The following PCDHGA10 variants were observed in gnomAD, a reference collection of about 807,000 sequenced individuals.
PCDHGA10 encodes the protein protocadherin gamma-A10.
In PCDHGA10, 42 loss-of-function variants were observed where a neutral mutation model predicts 59.5. That is an observed-to-expected ratio of 0.71 (90% CI 0.55 to 0.91). PCDHGA10 has a LOEUF of 0.91. PCDHGA10 is among the 40% of genes least tolerant of loss of function. The pLI is 0.00. For missense variants in PCDHGA10, 1,111 were observed against 1,198.2 expected (o/e 0.93, Z 1.07); for synonymous variants, 511 against 517.2 (o/e 0.99, Z 0.16).
rs13436436 is a variant in PCDHGA10 at position 141,494,301 on chromosome 5, G to C, written c.2437-506G>C. Among the ~76,000 whole-genome samples, 1,119 of 152,302 alleles carry C rather than the reference G, an allele frequency of 7.3e-3. 11 individuals carry two copies. The highest frequency in any genetic ancestry group is 0.026 in the African/African-American group (1,077 of 41,560). Reference sequence around the variant, plus strand: ...CCAGAGAAGATGTCCCTGTGAATGTGTCACTGCACAACCTGGCACCAAAAG... The same window carrying C: ...CCAGAGAAGATGTCCCTGTGAATGTCTCACTGCACAACCTGGCACCAAAAG... On this transcript the variant is annotated intron_variant, in intron 1 of 3. Coordinates refer to ENST00000398610, the MANE Select transcript of PCDHGA10 (RefSeq NM_018913.3).
At chr5:141,450,836 T>A (rs991599340) in intron 1 of PCDHGA10, among the ~76,000 whole-genome samples, 2 of 149,760 alleles carry the variant, frequency 1.3e-5, no homozygotes, top group African/African-American at 4.9e-5. Flanking sequence ...ATTATTTTTT[T>A]TTTTTTGAGA....
chr5:141,478,011 G>A (rs1216659966), intron 1 of PCDHGA10: 1 of 1,614,088 alleles, frequency 6.2e-7, no homozygotes, highest in East Asian at 2.2e-5. Flanking sequence ...AGTACTGCCC[G>A]TCCAGTCCAA....
In PCDHGA10 at chr5:141,485,066, G is replaced by A. The variant is rs907517904; in HGVS notation, c.2437-9741G>A. On this transcript the variant is annotated intron_variant, in intron 1 of 3. Coordinates refer to ENST00000398610, the MANE Select transcript of PCDHGA10 (RefSeq NM_018913.3). This position sits in a 1 kb window ranked among gnomAD's most constrained non-coding sequence, Gnocchi z 5.7. Reference sequence around the variant, plus strand: ...GCGGCGCCGGCCGAACCGCGCCAGAGCTGGCGCGGGGAAAGGGAGATAGGT... The same window carrying A: ...GCGGCGCCGGCCGAACCGCGCCAGAACTGGCGCGGGGAAAGGGAGATAGGT... 1 of 885,622 alleles carries A rather than the reference G, an allele frequency of 1.1e-6. No individual in the cohort carries two copies. Among genetic ancestry groups the A allele is most frequent in the Non-Finnish European group, 1.8e-6 (1 of 559,820 alleles). 54.9% of individuals were successfully genotyped at this position (885,622 alleles called of 1,614,324 possible).
At chr5:141,443,547 T>C (rs1210940890) in intron 1 of PCDHGA10, among the ~76,000 whole-genome samples, 2 of 152,192 alleles carry the variant, frequency 1.3e-5, no homozygotes, top group Non-Finnish European at 2.9e-5. Context: ...TGGGAAATTG[T>C]TCCAATTCAA....
Position 141,432,521 on chromosome 5 carries a change from G to C in PCDHGA10, c.2436+16910G>C. ...CCGCTCCGCAGAGCCCGGCTACCTG[G>C]TGACCAAGGTGGTGGCGGTGGACAG... On this transcript the variant is annotated intron_variant, in intron 1 of 3. Transcript: ENST00000398610. The surrounding 1 kb of genome is among the most constrained non-coding windows in gnomAD (Gnocchi z 6.0). 1.2e-6 allele frequency: 2 copies of C among 1,614,112 alleles called. No individual in the cohort carries two copies. The highest frequency in any genetic ancestry group is 1.7e-6 in the Non-Finnish European group (2 of 1,180,028).
rs778744503 is a variant in PCDHGA10, at chr5:141,511,152, G to C, written c.2790G>C (p.Ser930=). 2 of 1,614,140 alleles carry C rather than the reference G, an allele frequency of 1.2e-6. No individual in the cohort carries two copies. Among genetic ancestry groups the C allele is most frequent in the South Asian group, 2.2e-5 (2 of 91,086 alleles). The change falls in exon 4 of 4, where the codon TCG becomes TCC. Residue 930 remains serine, a synonymous_variant. Coordinates refer to ENST00000398610, the MANE Select transcript of PCDHGA10 (RefSeq NM_018913.3). ...PAGGNGNKKK[S]GKKEKK ...GTGGCAATGGCAACAAGAAGAAGTC[G>C]GGCAAGAAGGAGAAGAAGTAACATG...
chr5:141,479,521 T>A (rs4912607), intron 1 of PCDHGA10: 2 of 152,104 alleles, frequency 1.3e-5, no homozygotes, highest in Non-Finnish European at 2.9e-5. Context: ...CTGGCCCAGG[T>A]TGGAAGTGGA....
rs1476081470 is a variant in PCDHGA10, at chr5:141,432,757, C to G, written c.2436+17146C>G. 2.5e-6 allele frequency: 4 copies of G among 1,614,150 alleles called. No homozygotes were observed. The highest frequency in any genetic ancestry group is 1.3e-5 in the African/African-American group (1 of 75,076). ...TCACGCTCACCGTGGCCGTGGCCGA[C>G]AGCATCCCCCAAGTCCTGGCGGACC... On this transcript the variant is annotated intron_variant, in intron 1 of 3. Coordinates refer to ENST00000398610, the MANE Select transcript of PCDHGA10 (RefSeq NM_018913.3). This position sits in a 1 kb window ranked among gnomAD's most constrained non-coding sequence, Gnocchi z 6.0.
chr5:141,432,138 A>C lies in PCDHGA10; in HGVS notation c.2436+16527A>C, dbSNP rs2097456794. On this transcript the variant is annotated intron_variant, in intron 1 of 3. Coordinates refer to ENST00000398610, the MANE Select transcript of PCDHGA10 (RefSeq NM_018913.3). The surrounding 1 kb of genome is among the most constrained non-coding windows in gnomAD (Gnocchi z 6.0). ...TTCCCTCAGGCCTCCTATTCCGCTT[A>C]TATCCCAGAGAACAATCCCAGAGGA... 1 of 1,613,954 alleles carries C rather than the reference A, an allele frequency of 6.2e-7. No individual in the cohort carries two copies. Among genetic ancestry groups the C allele is most frequent in the African/African-American group, 1.3e-5 (1 of 74,882 alleles).
In PCDHGA10 at chr5:141,486,269, G is replaced by T; in HGVS notation, c.2437-8538G>T. 6.2e-7 allele frequency: 1 copy of T among 1,613,996 alleles called. No homozygotes were observed. The highest frequency in any genetic ancestry group is 8.5e-7 in the Non-Finnish European group (1 of 1,179,956). On this transcript the variant is annotated intron_variant, in intron 1 of 3. Transcript: ENST00000398610. The surrounding 1 kb of genome is among the most constrained non-coding windows in gnomAD (Gnocchi z 5.0). ...AACCCTCCCCGAGAGTGCAGAACCT[G>T]GCACTGTGGTGGCACTTATCAGTGT...
chr5:141,427,975 C>T lies in PCDHGA10; in HGVS notation c.2436+12364C>T, dbSNP rs757718263. ...AATGTGCCGCGGGTGCTGTACCCCGCGCTGGGGCCCGATGGCTCCGCACTC... is the reference window on the plus strand; with the variant it reads ...AATGTGCCGCGGGTGCTGTACCCCGTGCTGGGGCCCGATGGCTCCGCACTC... On this transcript the variant is annotated intron_variant, in intron 1 of 3. Transcript: ENST00000398610. The T allele has an allele frequency of 1.9e-6, 3 of 1,594,600 alleles. No individual in the cohort carries two copies. In the South Asian group the frequency reaches 3.3e-5, roughly 18 times the overall value.
chr5:141,505,681 G>A (rs113733387), intron 3 of PCDHGA10, among the ~76,000 whole-genome samples, 200 bp downstream of exon 3: 92 of 152,324 alleles, frequency 6.0e-4, no homozygotes, highest in African/African-American at 2.1e-3. Flanking sequence ...GGGGTCCTGG[G>A]ATGCCTGGAG....
intron 1 of PCDHGA10, chr5:141,418,103 G>A: frequency 1.2e-6 from 2 of 1,614,076 alleles, no homozygotes; most frequent in African/African-American, 1.3e-5. Flanking sequence ...CGCGCAGAGC[G>A]GGGACTTACT....
chr5:141,502,491 T>G lies in PCDHGA10; in HGVS notation c.2496-2902T>G, dbSNP rs557202239. Among the ~76,000 whole-genome samples, 1,415 of 152,344 alleles carry G rather than the reference T, an allele frequency of 9.3e-3. 29 individuals carry two copies. The highest frequency in any genetic ancestry group is 0.033 in the African/African-American group (1,352 of 41,578). ...TCCCGCAGCATCACACTGGGACTCA[T>G]CTAACGTCGGCCTGTCCCACTATCA... is the stretch of plus-strand genomic sequence containing the variant. On this transcript the variant is annotated intron_variant, in intron 2 of 3. Transcript: ENST00000398610.
intron 1 of PCDHGA10, among the ~76,000 whole-genome samples, chr5:141,444,466 C>A (rs539222916): frequency 1.3e-5 from 2 of 151,982 alleles, no homozygotes; most frequent in African/African-American, 4.8e-5. Flanking sequence ...TCACTGCGCC[C>A]GGTCGCGTAC....
chr5:141,501,328 CACA>C (rs2099808027), intron 2 of PCDHGA10, among the ~76,000 whole-genome samples: 1 of 151,710 alleles, frequency 6.6e-6, no homozygotes, highest in Non-Finnish European at 1.5e-5. Context: ...CACACACACA[CACA>C]CACCCCAAAC....
Position 141,491,547 on chromosome 5 carries a change from G to A in PCDHGA10, c.2437-3260G>A. On this transcript the variant is annotated intron_variant, in intron 1 of 3. Transcript: ENST00000398610. This position sits in a 1 kb window ranked among gnomAD's most constrained non-coding sequence, Gnocchi z 6.9. ...AGGTGACGCTGCGGCCCACAGACTC[G>A]CAGAGCCACTGCTACAGGACGTGCT... is the stretch of plus-strand genomic sequence containing the variant. The A allele has an allele frequency of 4.3e-6, 7 of 1,613,974 alleles. No individual in the cohort carries two copies. The highest frequency in any genetic ancestry group is 5.9e-6 in the Non-Finnish European group (7 of 1,180,022).
At chr5:141,471,217 T>G (rs2099252724) in intron 1 of PCDHGA10, 1 of 151,568 alleles carries the variant, frequency 6.6e-6, no homozygotes, top group South Asian at 2.1e-4. Context: ...GCCTGGCAAT[T>G]TTTTTGTATT....
rs1203945578 is a variant in PCDHGA10 at position 141,512,055 on chromosome 5, T to G, written c.*882T>G. 6.5e-6 allele frequency: 1 copy of G among 152,698 alleles called. No homozygotes were observed. The highest frequency in any genetic ancestry group is 1.5e-5 in the Non-Finnish European group (1 of 68,092). 9.5% of individuals were successfully genotyped at this position (152,698 alleles called of 1,614,324 possible). The stretch of plus-strand genomic sequence containing the variant: ...GAGGCTCTGTATGTCCTCAGGGGAC[T>G]GACAACATCCTCCAGATTCCAGCCA... On this transcript the variant is annotated 3_prime_UTR_variant, in exon 4 of 4. Transcript: ENST00000398610.
Sources: gnomAD v4.1 joint callset for allele counts (sites outside exome capture counted in the v4.1 genomes callset) on GRCh38, gnomAD v4.1.1 for gene constraint, Gnocchi (gnomAD v3.1) non-coding constraint, MANE v1.5 for transcripts, NCBI Gene and HGNC (gene_info 2026-07-23, HGNC 2026-07-21) for gene names.